The following CSMD2 variants were observed in gnomAD, a reference collection of about 807,000 sequenced individuals.
CSMD2 encodes the protein CUB and Sushi multiple domains 2.
CSMD2 carries 130 observed loss-of-function variants against 398.5 expected under a neutral mutation model. The observed-to-expected ratio is 0.33, with a 90% CI of 0.28 to 0.38. The LOEUF is 0.38. CSMD2 is among the 10% of genes least tolerant of loss of function. The probability of loss-of-function intolerance (pLI) is 1.00; values close to 1 mark genes in which losing one functional copy is unlikely to be tolerated. For synonymous variants in CSMD2, 1,828 were observed against 1,908.5 expected, an observed-to-expected ratio of 0.96 and a Z score of 1.10; for missense variants, 3,829 against 4,764.9, an observed-to-expected ratio of 0.80 and a Z score of 5.78.
At chr1:34,124,341 C>T (rs146013060) in intron 1 of CSMD2, among the ~76,000 whole-genome samples, 208 of 152,284 alleles carry the variant, frequency 1.4e-3, no homozygotes, top group African/African-American at 4.8e-3. Flanking sequence ...GGACATGCCA[C>T]AGGCTGGTGG....
intron 2 of CSMD2, among the ~76,000 whole-genome samples, chr1:34,044,250 G>A (rs1210454372): frequency 6.6e-6 from 1 of 152,168 alleles, no homozygotes; most frequent in Non-Finnish European, 1.5e-5. Context: ...ATGTTCACCG[G>A]TTAAACAGAA....
rs1646539419 is a variant in CSMD2 at position 33,726,627 on chromosome 1, A to G, written c.2427T>C (p.Pro809=). 6.2e-7 allele frequency: 1 copy of G among 1,613,712 alleles called. No individual in the cohort carries two copies. The highest frequency in any genetic ancestry group is 2.2e-5 in the East Asian group (1 of 44,880). Residue 809 remains proline (P), a synonymous_variant, in exon 16 of 71, where the codon CCT becomes CCC. Coordinates refer to ENST00000373381, the MANE Select transcript of CSMD2 (RefSeq NM_001281956.2). ...AGCTCAAGGCATCCTTGTAGAAGCCAGGCCAGCCCGGAGAGAGGATGGTGC... is the reference window on the plus strand; with the variant it reads ...AGCTCAAGGCATCCTTGTAGAAGCCGGGCCAGCCCGGAGAGAGGATGGTGC... ...PSGTILSPGW[P]GFYKDALSCA...
intron 5 of CSMD2, among the ~76,000 whole-genome samples, chr1:33,882,668 G>C (rs1475334368): frequency 6.6e-6 from 1 of 152,236 alleles, no homozygotes; most frequent in African/African-American, 2.4e-5. Context: ...GAAAAATGGA[G>C]GTACCTATCT....
At chr1:33,685,192 C>G (rs1035192272) in intron 25 of CSMD2, among the ~76,000 whole-genome samples, 1 of 152,162 alleles carries the variant, frequency 6.6e-6, no homozygotes, top group Non-Finnish European at 1.5e-5. Flanking sequence ...TAGGTAGCCA[C>G]GAGGATGAAA....
Position 33,533,051 on chromosome 1 carries a change from C to T in CSMD2, c.10170G>A (p.Leu3390=), listed in dbSNP as rs1187730005. 8 of 1,608,984 alleles carry T rather than the reference C, an allele frequency of 5.0e-6. No individual in the cohort carries two copies. The highest frequency in any genetic ancestry group is 1.7e-5 in the Admixed American group (1 of 59,916). The change falls in exon 64 of 71, where the codon CTG becomes CTA. Residue 3390 remains leucine, a splice_region_variant and synonymous_variant. Coordinates refer to ENST00000373381, the MANE Select transcript of CSMD2 (RefSeq NM_001281956.2). This position sits in a 1 kb window ranked among gnomAD's most constrained non-coding sequence, Gnocchi z 4.2. ...GCTTCCCCGAGCAGGCACACTCACCCAGGCAGATGGGCGGCTTGCCTGTCC... is the reference window on the plus strand; with the variant it reads ...GCTTCCCCGAGCAGGCACACTCACCTAGGCAGATGGGCGGCTTGCCTGTCC... ...GSWTGKPPIC[L]EVRPSGRPIN... is the part of the protein sequence containing the mutation.
chr1:33,904,895 C>G (rs1305414969), intron 5 of CSMD2, among the ~76,000 whole-genome samples: 1 of 152,174 alleles, frequency 6.6e-6, no homozygotes, highest in Non-Finnish European at 1.5e-5. Flanking sequence ...ATCTGCCCGC[C>G]TCGGCCTCCC....
At chr1:33,877,290 A>G (rs1466254322) in intron 5 of CSMD2, among the ~76,000 whole-genome samples, 7 of 152,176 alleles carry the variant, frequency 4.6e-5, no homozygotes, top group Admixed American at 3.9e-4. Flanking sequence ...TGGGAAAATG[A>G]GAGGTCAGGA....
chr1:33,569,621 T>G, intron 51 of CSMD2, 74 bp from the exon 52 acceptor site: 10 of 1,469,444 alleles, frequency 6.8e-6, no homozygotes, highest in Non-Finnish European at 9.3e-6. Context: ...TAGCAAGAAC[T>G]GTGACAAAAA....
chr1:33,577,224 A>G (rs1638329741), intron 49 of CSMD2, 72 bp downstream of exon 49: 7 of 1,380,300 alleles, frequency 5.1e-6, no homozygotes, highest in Non-Finnish European at 6.9e-6. Flanking sequence ...GGAAGTGACT[A>G]GTCCTGGGAC....
chr1:33,950,383 C>CAGAGAGAGAGAGAGAGAG (rs3045848), intron 3 of CSMD2, among the ~76,000 whole-genome samples: 279 of 133,820 alleles, frequency 2.1e-3, no homozygotes, highest in African/African-American at 5.9e-3. Context: ...TCTCCTCCAG[C>CAGAGAGAGAGAGAGAGAG]AGAGAGAGAG....
chr1:33,516,924 G>C (rs1336251031), intron 70 of CSMD2, among the ~76,000 whole-genome samples: 1 of 151,276 alleles, frequency 6.6e-6, no homozygotes, highest in Non-Finnish European at 1.5e-5. Context: ...AAAATGACTA[G>C]GATAATAATG....
At chr1:33,557,996 G>A (rs1378292994) in intron 54 of CSMD2, 74 bp from the exon 55 acceptor site, 46 of 1,355,412 alleles carry the variant, frequency 3.4e-5, no homozygotes, top group Non-Finnish European at 4.3e-5. Flanking sequence ...ACTAGGCAAT[G>A]AAGCAGACCC....
At chr1:34,066,103 A>G (rs1293052699) in intron 2 of CSMD2, among the ~76,000 whole-genome samples, 1 of 152,166 alleles carries the variant, frequency 6.6e-6, no homozygotes, top group African/African-American at 2.4e-5. Context: ...GCTAATGATA[A>G]TACATTCCCC....
intron 2 of CSMD2, among the ~76,000 whole-genome samples, chr1:34,054,631 T>G (rs1653610049): frequency 6.6e-6 from 1 of 152,058 alleles, no homozygotes; most frequent in Non-Finnish European, 1.5e-5. Context: ...TCCCAGCTAC[T>G]CGGGAGGCTG....
chr1:34,090,641 T>C (rs111853616), intron 1 of CSMD2, among the ~76,000 whole-genome samples: 39 of 152,152 alleles, frequency 2.6e-4, no homozygotes, highest in African/African-American at 9.2e-4. Flanking sequence ...ATGGCTAATC[T>C]ACCACTCTAT....
intron 4 of CSMD2, among the ~76,000 whole-genome samples, chr1:33,928,045 A>C (rs1644187541): frequency 6.6e-6 from 1 of 152,152 alleles, no homozygotes; most frequent in African/African-American, 2.4e-5. Flanking sequence ...GGATGCCTGC[A>C]CCTGCAGGCC....
chr1:33,671,901 A>G (rs1644512905), intron 25 of CSMD2, among the ~76,000 whole-genome samples: 1 of 152,052 alleles, frequency 6.6e-6, no homozygotes, highest in African/African-American at 2.4e-5. Context: ...GGTATTTTTT[A>G]AAAACAAAAA....
rs147291744 is a variant in CSMD2 at position 33,598,279 on chromosome 1, T to A, written c.6856+2586A>T. ...GATATATTCCACAACTTACCAAAAG[T>A]TCTATGAGGCATGGAATGTGCCTCT... On this transcript the variant is annotated intron_variant, in intron 44 of 70. Transcript: ENST00000373381. Among the ~76,000 whole-genome samples the A allele has an allele frequency of 1.2e-3, 181 of 152,292 alleles. 1 individual carries two copies. Among genetic ancestry groups the A allele is most frequent in the African/African-American group, 4.1e-3 (170 of 41,562 alleles).
intron 5 of CSMD2, among the ~76,000 whole-genome samples, chr1:33,852,074 G>A (rs544688929): frequency 4.6e-5 from 7 of 152,156 alleles, no homozygotes; most frequent in Admixed American, 6.5e-5. Flanking sequence ...TCCCCCAGTC[G>A]TTTCTGCTCC....
Sources: gnomAD v4.1 joint callset for allele counts (sites outside exome capture counted in the v4.1 genomes callset) on GRCh38, gnomAD v4.1.1 for gene constraint, Gnocchi (gnomAD v3.1) non-coding constraint, MANE v1.5 for transcripts, NCBI Gene and HGNC (gene_info 2026-07-23, HGNC 2026-07-21) for gene names.